The following PABPC1 variants were observed in gnomAD, a reference collection of about 807,000 sequenced individuals.
PABPC1 encodes polyadenylate-binding protein 1.
PABPC1 carries 4 observed loss-of-function variants against 74.0 expected under a neutral mutation model. That is an observed-to-expected ratio of 0.05 (90% CI 0.03 to 0.12). The LOEUF is 0.12. Ranked by LOEUF, PABPC1 falls within the 10% of genes least tolerant of loss-of-function variation. The probability of loss-of-function intolerance (pLI) is 1.00; values close to 1 mark genes in which losing one functional copy is unlikely to be tolerated. For missense variants in PABPC1, 271 were observed against 821.1 expected (o/e 0.33, Z 8.19); for synonymous variants, 227 against 264.1 (o/e 0.86, Z 1.36).
Position 100,713,073 on chromosome 8 carries a change from TAC to T in PABPC1, c.738+12_738+13del. 6.3e-7 allele frequency: 1 copy of T among 1,578,842 alleles called. No individual in the cohort carries two copies. Among genetic ancestry groups the T allele is most frequent in the Non-Finnish European group, 8.7e-7 (1 of 1,155,850 alleles). ...TTTGTACCCCCTTCTTCCTGCTGAATACAGACCACTTACTTTCTGTGCATCTT... is the reference window on the plus strand; with the variant it reads ...TTTGTACCCCCTTCTTCCTGCTGAATAGACCACTTACTTTCTGTGCATCTT... On this transcript the variant is annotated intron_variant, in intron 5 of 14. Transcript: ENST00000318607.
chr8:100,712,278 A>G (rs750327422), intron 7 of PABPC1, 84 bp downstream of exon 7: 4 of 772,470 alleles, frequency 5.2e-6, no homozygotes, highest in Non-Finnish European at 8.5e-6. Flanking sequence ...TCTAGTGGCT[A>G]TAATAATACA....
chr8:100,704,306 T>C lies in PABPC1; in HGVS notation c.1903A>G (p.Thr635Ala), dbSNP rs751188307. The change falls in exon 14 of 15, where the codon ACT (threonine) becomes GCT (alanine). Residue 635 changes from threonine (T) to alanine (A), a missense_variant. Transcript: ENST00000318607. Reference sequence around the variant, plus strand: ...AGAGGGAAAAGCTCACTTTAAACAGTTGGAACACCGGTGGCACTGTTAACT... The same window carrying C: ...AGAGGGAAAAGCTCACTTTAAACAGCTGGAACACCGGTGGCACTGTTAACT... ...KAVNSATGVP[T>A]V 10 of 1,613,032 alleles carry C rather than the reference T, an allele frequency of 6.2e-6. No homozygotes were observed. The highest frequency in any genetic ancestry group is 4.0e-5 in the African/African-American group (3 of 74,890).
intron 6 of PABPC1, 21 bp downstream of exon 6, chr8:100,712,631 G>A (rs763080024): frequency 1.6e-5 from 25 of 1,592,808 alleles, no homozygotes; most frequent in Non-Finnish European, 1.9e-5. Context: ...TCTTATTTTG[G>A]TTGTTCAATT....
chr8:100,721,350 G>GCCGC lies in PABPC1; in HGVS notation c.193+37_193+40dup, dbSNP rs916698550. 1.9e-5 allele frequency: 24 copies of GCCGC among 1,287,854 alleles called. No homozygotes were observed. In the Admixed American group the frequency reaches 3.3e-4, roughly 18 times the overall value. The allele number at this position is 1,287,854 out of a possible 1,614,324, so 79.8% of individuals were successfully genotyped here. ...CCGCCGCCGCCGCCCGAGCCTCATG[G>GCCGC]CCGCCCGCCCGCCCGGCCGACCGCG... On this transcript the variant is annotated intron_variant, in intron 1 of 14. Coordinates refer to ENST00000318607, the MANE Select transcript of PABPC1 (RefSeq NM_002568.4). The surrounding 1 kb of genome is among the most constrained non-coding windows in gnomAD (Gnocchi z 7.4).
intron 7 of PABPC1, 67 bp from the exon 8 acceptor site, chr8:100,709,798 A>T (rs1810480839): frequency 7.1e-7 from 1 of 1,416,090 alleles, no homozygotes; most frequent in Non-Finnish European, 9.5e-7. Context: ...GAGCGTTACA[A>T]TTTAGACAAT....
chr8:100,711,780 T>C (rs1361233715), intron 7 of PABPC1, among the ~76,000 whole-genome samples: 1 of 150,598 alleles, frequency 6.6e-6, no homozygotes, highest in East Asian at 1.9e-4. Flanking sequence ...TTCAGTTGAG[T>C]TGTAATTTTT....
intron 9 of PABPC1, chr8:100,707,200 A>C (rs190239715): frequency 4.8e-5 from 22 of 460,290 alleles, no homozygotes; most frequent in South Asian, 3.0e-4. Flanking sequence ...ACGAGTACTT[A>C]TATGTAGCGA....
intron 4 of PABPC1, 79 bp from the exon 5 acceptor site, chr8:100,713,260 C>A (rs1810576885): frequency 1.2e-6 from 1 of 836,338 alleles, no homozygotes; most frequent in Admixed American, 3.6e-5. Flanking sequence ...ACATACAAAG[C>A]CATGAAAAAA....
intron 3 of PABPC1, among the ~76,000 whole-genome samples, chr8:100,716,053 T>A (rs1810660674): frequency 6.6e-6 from 1 of 152,250 alleles, no homozygotes; most frequent in African/African-American, 2.4e-5. Context: ...ACTGCAGCAT[T>A]TTCAACAAAA....
At chr8:100,704,258 AAAC>A in intron 14 of PABPC1, 36 bp downstream of exon 14, 1 of 1,465,976 alleles carries the variant, frequency 6.8e-7, no homozygotes, top group South Asian at 1.1e-5. Context: ...AAGATGAAGA[AAAC>A]AAGCTTAAAA....
In PABPC1 at chr8:100,708,094, T is replaced by C. The variant is rs555226745; in HGVS notation, c.1336+1039A>G. On this transcript the variant is annotated intron_variant, in intron 9 of 14. Transcript: ENST00000318607. ...ACTAATGATTAATGATATTCATATATAATCATATCTAAGATCTATATCTGG... is the reference window on the plus strand; with the variant it reads ...ACTAATGATTAATGATATTCATATACAATCATATCTAAGATCTATATCTGG... 4.6e-5 allele frequency among the ~76,000 whole-genome samples: 7 copies of C among 152,380 alleles called. No individual in the cohort carries two copies. In the South Asian group the frequency reaches 1.4e-3, roughly 32 times the overall value.
At chr8:100,703,615 C>CCCT (rs1810301683) in intron 14 of PABPC1, among the ~76,000 whole-genome samples, 1 of 152,128 alleles carries the variant, frequency 6.6e-6, no homozygotes, top group Admixed American at 6.5e-5. Context: ...ATTTGCCAAT[C>CCCT]CCTGGTCCTG....
chr8:100,716,306 CACG>C (rs1258004406), intron 3 of PABPC1, among the ~76,000 whole-genome samples: 1 of 152,110 alleles, frequency 6.6e-6, no homozygotes, highest in Non-Finnish European at 1.5e-5. Flanking sequence ...GAGGCTGAAG[CACG>C]ACAATTGCTA....
rs1810395668 is a variant in PABPC1, at chr8:100,706,951, T to C, written c.1383A>G (p.Pro461=). Residue 461 remains proline (P), a synonymous_variant, in exon 10 of 15, where the codon CCA becomes CCG. Coordinates refer to ENST00000318607, the MANE Select transcript of PABPC1 (RefSeq NM_002568.4). ...AAGCTGGTCTCATAGTACTAAATGG[T>C]GGTCTAGGAGCAGCTGGGCGGATAG... ...PGAIRPAAPR[P]PFSTMRPASS... The C allele has an allele frequency of 6.2e-7, 1 of 1,614,082 alleles. No individual in the cohort carries two copies.
chr8:100,717,915 CT>C, intron 2 of PABPC1, 27 bp from the exon 3 acceptor site: 1 of 1,507,802 alleles, frequency 6.6e-7, no homozygotes, highest in South Asian at 1.1e-5. Flanking sequence ...ACCCATTTTT[CT>C]TTATTTGCTA....
chr8:100,720,970 C>T (rs1338551697), intron 1 of PABPC1, among the ~76,000 whole-genome samples: 2 of 152,200 alleles, frequency 1.3e-5, no homozygotes, highest in Admixed American at 6.6e-5. Context: ...AACTGCACTT[C>T]CTCCCCAGGC....
At chr8:100,712,016 A>G (rs1235053729) in intron 7 of PABPC1, among the ~76,000 whole-genome samples, 4 of 152,254 alleles carry the variant, frequency 2.6e-5, no homozygotes, top group Non-Finnish European at 5.9e-5. Flanking sequence ...AGGGGAGGGA[A>G]CTGGGGCTTG....
Position 100,721,566 on chromosome 8 carries a change from G to A in PABPC1, c.18C>T (p.Pro6=), listed in dbSNP as rs749404709. MNPSA[P]SYPMASLYVG... ...CGTAGAGCGAGGCCATGGGGTAGCTGGGGGCACTGGGGTTCATCTCGGCAC... is the reference window on the plus strand; with the variant it reads ...CGTAGAGCGAGGCCATGGGGTAGCTAGGGGCACTGGGGTTCATCTCGGCAC... Residue 6 remains proline, a synonymous_variant, in exon 1 of 15, where the codon CCC becomes CCT. Transcript: ENST00000318607. This position sits in a 1 kb window ranked among gnomAD's most constrained non-coding sequence, Gnocchi z 7.4. The A allele has an allele frequency of 6.3e-7, 1 of 1,593,368 alleles. No homozygotes were observed.
intron 3 of PABPC1, among the ~76,000 whole-genome samples, chr8:100,716,304 A>G (rs1018260458): frequency 1.3e-5 from 2 of 152,130 alleles, no homozygotes; most frequent in African/African-American, 4.8e-5. Flanking sequence ...GGGAGGCTGA[A>G]GCACGACAAT....
Sources: allele counts gnomAD v4.1 joint callset (sites outside exome capture counted in the v4.1 genomes callset), GRCh38; gene constraint gnomAD v4.1.1; non-coding constraint Gnocchi (gnomAD v3.1); transcripts MANE v1.5; gene names NCBI Gene and HGNC (gene_info 2026-07-23, HGNC 2026-07-21).